Variants in ST7 observed in about 807,000 individuals in gnomAD.
ST7 encodes suppression of tumorigenicity 7.
A neutral mutation model predicts 78.7 loss-of-function variants in ST7; 28 were observed. That is an observed-to-expected ratio of 0.36 (90% CI 0.26 to 0.49). ST7 has a LOEUF of 0.49. Among genes scored for constraint, ST7 ranks in the 20% least tolerant of loss-of-function variants. ST7 has a pLI of 0.99. For synonymous variants in ST7, 247 were observed against 249.6 expected (o/e 0.99, Z 0.10); for missense variants, 418 against 696.0 (o/e 0.60, Z 4.49).
intron 2 of ST7, chr7:117,118,400 G>A (rs1451457724): frequency 6.6e-6 from 1 of 152,166 alleles, no homozygotes; most frequent in African/African-American, 2.4e-5. Context: ...CATTTCGTTT[G>A]ATTAATACTT....
intron 1 of ST7, among the ~76,000 whole-genome samples, chr7:117,033,666 C>G (rs902595137): frequency 6.6e-6 from 1 of 152,272 alleles, no homozygotes; most frequent in Admixed American, 6.5e-5. Context: ...TCAGTTGATC[C>G]ACCTGCCTCA....
At chr7:117,019,408 AT>A (rs1795768933) in intron 1 of ST7, among the ~76,000 whole-genome samples, 1 of 152,158 alleles carries the variant, frequency 6.6e-6, no homozygotes, top group Non-Finnish European at 1.5e-5. Flanking sequence ...GAGATAAAAT[AT>A]TTTCAATTAT....
Position 117,222,014 on chromosome 7 carries a change from C to G in ST7, c.1590C>G (p.Ala530=). 1 of 1,612,698 alleles carries G rather than the reference C, an allele frequency of 6.2e-7. No individual in the cohort carries two copies. The highest frequency in any genetic ancestry group is 8.5e-7 in the Non-Finnish European group (1 of 1,179,426). The change falls in exon 15 of 16, where the codon GCC becomes GCG. Residue 530 remains alanine (A), a synonymous_variant. Coordinates refer to ENST00000323984, the MANE Select transcript of ST7 (RefSeq NM_001369598.1). ...TATGTTCCTTCACAGCCATGCTGGC[C>G]CTCCTGACACATCAGTTCCCGGAAC... is the stretch of plus-strand genomic sequence containing the variant. ...AGLCSFTAML[A]LLTHQFPELM...
intron 1 of ST7, among the ~76,000 whole-genome samples, chr7:117,095,983 A>G (rs1800998588): frequency 6.9e-6 from 1 of 145,298 alleles, no homozygotes; most frequent in Non-Finnish European, 1.5e-5. Flanking sequence ...CAGGGGAATC[A>G]CTTGAACCCG....
intron 1 of ST7, among the ~76,000 whole-genome samples, chr7:117,099,494 C>T (rs139716982): frequency 1.2e-4 from 19 of 152,178 alleles, no homozygotes; most frequent in East Asian, 9.6e-4. Flanking sequence ...CCATGAAAAC[C>T]GTTATCAACA....
chr7:117,166,197 G>C (rs1047571965), intron 9 of ST7, among the ~76,000 whole-genome samples: 1 of 152,030 alleles, frequency 6.6e-6, no homozygotes, highest in African/African-American at 2.4e-5. Context: ...TAGCATATTG[G>C]TATAATTTTA....
chr7:117,024,370 T>G (rs989589612), intron 1 of ST7, among the ~76,000 whole-genome samples: 2 of 152,158 alleles, frequency 1.3e-5, no homozygotes, highest in African/African-American at 4.8e-5. Flanking sequence ...AATTAGCATT[T>G]ATTGGGCTCA....
At chr7:117,081,212 A>G (rs1001687753) in intron 1 of ST7, 1 of 152,152 alleles carries the variant, frequency 6.6e-6, no homozygotes, top group African/African-American at 2.4e-5. Context: ...TTGGACTTTA[A>G]CATGTAGAAA....
intron 1 of ST7, among the ~76,000 whole-genome samples, chr7:117,097,909 T>TATA (rs1554436004): frequency 2.0e-4 from 3 of 15,364 alleles, no homozygotes; most frequent in African/African-American, 6.2e-4. Flanking sequence ...TATATATATA[T>TATA]TTTTTTTTTT....
At chr7:117,028,811 G>T (rs1796329282) in intron 1 of ST7, among the ~76,000 whole-genome samples, 1 of 152,116 alleles carries the variant, frequency 6.6e-6, no homozygotes, top group Non-Finnish European at 1.5e-5. Flanking sequence ...AGATCTCCAG[G>T]ATAGCTCTGG....
intron 9 of ST7, among the ~76,000 whole-genome samples, chr7:117,165,073 T>A (rs1807439373): frequency 1.3e-5 from 2 of 152,134 alleles, no homozygotes; most frequent in South Asian, 4.1e-4. Context: ...CGGTGGCTAG[T>A]AACTATAGAA....
At chr7:117,214,404 G>A (rs552272755) in intron 13 of ST7, among the ~76,000 whole-genome samples, 18 of 152,148 alleles carry the variant, frequency 1.2e-4, no homozygotes, top group South Asian at 6.2e-4. Flanking sequence ...TTGTTGAAGC[G>A]TAGGATGAGA....
chr7:116,960,911 G>A (rs1792793172), intron 1 of ST7, among the ~76,000 whole-genome samples: 1 of 152,102 alleles, frequency 6.6e-6, no homozygotes, highest in African/African-American at 2.4e-5. Context: ...GTCCTGAATG[G>A]TATTATGTAG....
chr7:117,207,147 T>G (rs1193904287), intron 12 of ST7, among the ~76,000 whole-genome samples: 5 of 102,604 alleles, frequency 4.9e-5, no homozygotes, highest in Non-Finnish European at 5.9e-5. Flanking sequence ...TAGTTTCTTT[T>G]CATTTTTTTT....
chr7:116,982,323 C>G (rs760355057), intron 1 of ST7, among the ~76,000 whole-genome samples: 1 of 152,106 alleles, frequency 6.6e-6, no homozygotes, highest in Non-Finnish European at 1.5e-5. Flanking sequence ...CTCCCAGGTT[C>G]AAGTGATTCT....
intron 2 of ST7, among the ~76,000 whole-genome samples, chr7:117,110,234 A>T (rs2116876532): frequency 6.6e-6 from 1 of 152,350 alleles, no homozygotes; most frequent in East Asian, 1.9e-4. Flanking sequence ...AAGTAAGCAA[A>T]TAGAAAAAAA....
intron 1 of ST7, among the ~76,000 whole-genome samples, chr7:117,085,150 AG>A (rs1450997624): frequency 6.6e-6 from 1 of 152,224 alleles, no homozygotes; most frequent in African/African-American, 2.4e-5. Flanking sequence ...GAAGAGAAAA[AG>A]GTTGTGTTTC....
chr7:117,069,685 A>G (rs567975924), intron 1 of ST7, among the ~76,000 whole-genome samples: 2 of 152,216 alleles, frequency 1.3e-5, no homozygotes, highest in Admixed American at 1.3e-4. Context: ...TAAGAGCTTT[A>G]GTAATTGATA....
chr7:116,990,770 A>AT (rs1201663607), intron 1 of ST7, among the ~76,000 whole-genome samples: 1 of 152,030 alleles, frequency 6.6e-6, no homozygotes, highest in African/African-American at 2.4e-5. Flanking sequence ...CTTTGTTACT[A>AT]TTTTTTAGTT....
Sources: gnomAD v4.1 joint callset for allele counts (sites outside exome capture counted in the v4.1 genomes callset) on GRCh38, gnomAD v4.1.1 for gene constraint, MANE v1.5 for transcripts, NCBI Gene and HGNC (gene_info 2026-07-23, HGNC 2026-07-21) for gene names.